Variants in ADAMTSL1 observed in about 807,000 individuals in gnomAD.
ADAMTSL1 encodes the protein ADAMTS like 1.
A neutral mutation model predicts 201.8 loss-of-function variants in ADAMTSL1; 126 were observed. The ratio of observed to expected loss-of-function variants is 0.62; its 90% CI spans 0.54 to 0.72. The LOEUF (loss-of-function observed/expected upper bound fraction) is 0.72, where lower values mean the gene tolerates loss of function less well. ADAMTSL1 is among the 30% of genes least tolerant of loss of function. The probability of loss-of-function intolerance (pLI) is 0.00; values close to 1 mark genes in which losing one functional copy is unlikely to be tolerated. For synonymous variants in ADAMTSL1, 1,121 were observed against 903.4 expected (o/e 1.24, Z -4.32); for missense variants, 2,679 against 2,277.8 (o/e 1.18, Z -3.59).
intron 23 of ADAMTSL1, among the ~76,000 whole-genome samples, chr9:18,886,231 T>G (rs2131533198): frequency 7.3e-6 from 1 of 136,712 alleles, no homozygotes; most frequent in African/African-American, 2.6e-5. Flanking sequence ...TACATATACA[T>G]ACATACAAGT....
chr9:18,444,690 A>C (rs1249681588), intron 2 of ADAMTSL1, among the ~76,000 whole-genome samples: 2 of 152,202 alleles, frequency 1.3e-5, no homozygotes, highest in Non-Finnish European at 2.9e-5. Flanking sequence ...AAGGGAAAAC[A>C]GATGCAGATA....
intron 14 of ADAMTSL1, among the ~76,000 whole-genome samples, chr9:18,717,290 A>T (rs1833010994): frequency 6.6e-6 from 1 of 150,542 alleles, no homozygotes; most frequent in Non-Finnish European, 1.5e-5. Context: ...TTAAAAAAAT[A>T]AAAAATAAAG....
chr9:18,866,559 GT>G (rs1478245603), intron 23 of ADAMTSL1, among the ~76,000 whole-genome samples: 2 of 152,132 alleles, frequency 1.3e-5, no homozygotes, highest in African/African-American at 4.8e-5. Context: ...TTTCCTAAAA[GT>G]GTTTCCAATT....
chr9:18,881,821 T>A (rs1360573410), intron 23 of ADAMTSL1, among the ~76,000 whole-genome samples: 1 of 152,206 alleles, frequency 6.6e-6, no homozygotes, highest in Non-Finnish European at 1.5e-5. Flanking sequence ...TTGCTTCTCC[T>A]GGGTCTTGAG....
chr9:18,856,942 T>G (rs539264648), intron 23 of ADAMTSL1, among the ~76,000 whole-genome samples: 1 of 152,288 alleles, frequency 6.6e-6, no homozygotes, highest in Non-Finnish European at 1.5e-5. Flanking sequence ...CAAAGAACTG[T>G]AGAACAACCC....
intron 2 of ADAMTSL1, among the ~76,000 whole-genome samples, chr9:18,234,496 C>A (rs1298453121): frequency 6.6e-6 from 1 of 152,024 alleles, no homozygotes; most frequent in Non-Finnish European, 1.5e-5. Context: ...GTTTAATAGA[C>A]AAAGGCACTG....
intron 19 of ADAMTSL1, among the ~76,000 whole-genome samples, chr9:18,792,426 C>T (rs1054383042): frequency 3.3e-5 from 5 of 152,224 alleles, no homozygotes; most frequent in Non-Finnish European, 5.9e-5. Context: ...TTCAGAAGAA[C>T]TATCTTCTAG....
In ADAMTSL1 at chr9:18,777,272, G is replaced by A. The variant is rs746717968; in HGVS notation, c.3043G>A (p.Ala1015Thr). The change falls in exon 19 of 29, where the codon GCC becomes ACC. Residue 1015 changes from alanine to threonine, a missense_variant. Physicochemically the swap from Ala to Thr is moderately conservative, Grantham distance 58. Coordinates refer to ENST00000380548, the MANE Select transcript of ADAMTSL1 (RefSeq NM_001040272.6). ...CAAGGCGGAGAAGCGGGGCCTGGCC[G>A]CCAACCCGGGGAGCCGCTACGACGA... is the stretch of plus-strand genomic sequence containing the variant. Reference protein sequence around the residue: ...GSKAEKRGLAANPGSRYDDLV... With the variant: ...GSKAEKRGLATNPGSRYDDLV... The A allele has an allele frequency of 5.6e-6, 9 of 1,608,426 alleles. No homozygotes were observed. The Admixed American group carries it at 1.0e-4, about 18-fold the overall frequency.
At chr9:18,650,201 C>T (rs538407623) in intron 7 of ADAMTSL1, among the ~76,000 whole-genome samples, 5 of 152,298 alleles carry the variant, frequency 3.3e-5, no homozygotes, top group Admixed American at 1.3e-4. Context: ...GAGCCATGTG[C>T]GGGATATAAT....
At chr9:18,413,191 C>T (rs1224404477) in intron 2 of ADAMTSL1, among the ~76,000 whole-genome samples, 1 of 147,194 alleles carries the variant, frequency 6.8e-6, no homozygotes, top group African/African-American at 2.5e-5. Flanking sequence ...TCTTATTGCC[C>T]AGTCTGAAGT....
chr9:18,134,684 A>G lies in ADAMTSL1; in HGVS notation c.88-29178A>G, dbSNP rs139981648. 2.7e-4 allele frequency among the ~76,000 whole-genome samples: 41 copies of G among 152,294 alleles called. 1 individual carries two copies. In the East Asian group the frequency reaches 7.7e-3, roughly 29 times the overall value. On this transcript the variant is annotated intron_variant, in intron 1 of 29. Coordinates refer to the ADAMTSL1 transcript ENST00000680146. ...GGTGTGGTGGTTCTTTCTTTAAAGT[A>G]AACAGCCTTAGATTTACTAAAGTCA...
At chr9:18,402,049 C>T (rs1283677574) in intron 2 of ADAMTSL1, among the ~76,000 whole-genome samples, 1 of 152,148 alleles carries the variant, frequency 6.6e-6, no homozygotes, top group Non-Finnish European at 1.5e-5. Flanking sequence ...TTATTTTCTT[C>T]CCACTCTTCT....
chr9:18,374,243 G>C (rs1837183073), intron 2 of ADAMTSL1, among the ~76,000 whole-genome samples: 1 of 152,132 alleles, frequency 6.6e-6, no homozygotes, highest in African/African-American at 2.4e-5. Flanking sequence ...GTAAAGAAAG[G>C]TGCAGTTCTG....
In ADAMTSL1 at chr9:18,391,824, C is replaced by CTTTT. The variant is rs11407945; in HGVS notation, c.208-112990_208-112987dup. ...ACTACTTTTTTTCTTTCTTTTCTTT[C>CTTTT]TTTTTTTTTTTTTTTTTTGAGATGG... On this transcript the variant is annotated intron_variant, in intron 2 of 29. Transcript: ENST00000680146. 2.2e-3 allele frequency among the ~76,000 whole-genome samples: 255 copies of CTTTT among 116,710 alleles called. 4 individuals carry two copies. Among genetic ancestry groups the CTTTT allele is most frequent in the African/African-American group, 7.3e-3 (226 of 31,002 alleles). The allele number at this position is 116,710 out of a possible 152,430, so 76.6% of individuals were successfully genotyped here. A position where few individuals can be genotyped will look rare whatever the true frequency, so the allele number is the denominator to read the frequency against.
chr9:18,627,537 G>A (rs1826468930), intron 5 of ADAMTSL1, among the ~76,000 whole-genome samples: 1 of 152,166 alleles, frequency 6.6e-6, no homozygotes, highest in African/African-American at 2.4e-5. Context: ...CACAGCTCTG[G>A]AAGCATTGAG....
At chr9:18,088,027 A>T (rs913090485) in intron 1 of ADAMTSL1, among the ~76,000 whole-genome samples, 2 of 152,152 alleles carry the variant, frequency 1.3e-5, no homozygotes, top group Non-Finnish European at 2.9e-5. Context: ...TATAGTAATT[A>T]AAACTATGTA....
At chr9:18,524,435 T>C (rs1399626183) in intron 2 of ADAMTSL1, among the ~76,000 whole-genome samples, 3 of 152,214 alleles carry the variant, frequency 2.0e-5, no homozygotes, top group Admixed American at 6.5e-5. Context: ...CCTTTATTTC[T>C]TTCTCCTGCC....
At position 18,588,156 on chromosome 9, in the gene ADAMTSL1, A is replaced by G. The variant is rs1823637605; in HGVS notation, c.474+13890A>G. ...ATTTGCTATTTTTGTCCTTTTAATA[A>G]TAGCCACTCTGAGGCGAAATGATAC... is the stretch of plus-strand genomic sequence containing the variant. On this transcript the variant is annotated intron_variant, in intron 4 of 28. Transcript: ENST00000380548. 2.0e-5 allele frequency among the ~76,000 whole-genome samples: 3 copies of G among 152,084 alleles called. No homozygotes were observed. The South Asian group carries it at 6.2e-4, about 32-fold the overall frequency.
intron 23 of ADAMTSL1, among the ~76,000 whole-genome samples, chr9:18,844,448 G>A (rs994150908): frequency 1.3e-5 from 2 of 151,860 alleles, no homozygotes; most frequent in African/African-American, 2.4e-5. Context: ...TGCCCCTACT[G>A]GGGGGTGCCT....
Sources: gnomAD v4.1 joint callset for allele counts (sites outside exome capture counted in the v4.1 genomes callset) on GRCh38, gnomAD v4.1.1 for gene constraint, MANE v1.5 for transcripts, NCBI Gene and HGNC (gene_info 2026-07-23, HGNC 2026-07-21) for gene names.